MTMR9: variants seen among roughly 807,000 people sequenced by gnomAD.
MTMR9 encodes myotubularin related protein 9, also known as myotubularin-related protein 9.
A neutral mutation model predicts 69.5 loss-of-function variants in MTMR9; 39 were observed. The ratio of observed to expected loss-of-function variants is 0.56; its 90% confidence interval spans 0.43 to 0.73. The LOEUF (loss-of-function observed/expected upper bound fraction) is 0.73, where lower values mean the gene tolerates loss of function less well. MTMR9 is among the 30% of genes least tolerant of loss of function. MTMR9 has a pLI of 0.00. For missense variants in MTMR9, 900 were observed against 671.2 expected (o/e 1.34, Z -3.77); for synonymous variants, 354 against 240.8 (o/e 1.47, Z -4.35).
At chr8:11,298,382 A>AATAT (rs113127569) in intron 2 of MTMR9, among the ~76,000 whole-genome samples, 2 of 150,474 alleles carry the variant, frequency 1.3e-5, no homozygotes, top group Non-Finnish European at 3.0e-5. Flanking sequence ...ATGTAGGAAA[A>AATAT]ATATATATAT....
chr8:11,332,150 G>T, downstream of MTMR9: 5 of 1,611,114 alleles, frequency 3.1e-6, no homozygotes, highest in Non-Finnish European at 4.2e-6. Context: ...CCGGGGGTTG[G>T]GAGGGACAGG....
chr8:11,322,814 G>A lies in MTMR9; in HGVS notation c.*26G>A. ...AAGGTCTCCTCGCACCCTTCGCAAG[G>A]ACCTTCTTGGGCCTGTGTCCGCCGT... On this transcript the variant is annotated 3_prime_UTR_variant, in exon 10 of 10. Coordinates refer to ENST00000221086, the MANE Select transcript of MTMR9 (RefSeq NM_015458.4). The A allele has an allele frequency of 6.3e-7, 1 of 1,599,984 alleles. No homozygotes were observed. The highest frequency in any genetic ancestry group is 8.5e-7 in the Non-Finnish European group (1 of 1,172,722).
chr8:11,334,592 A>G, the MTMR9 span, among the ~76,000 whole-genome samples: 77 of 152,166 alleles, frequency 5.1e-4, no homozygotes, highest in East Asian at 4.6e-3. Flanking sequence ...GACAGTCATT[A>G]TGGGGAAAAT....
intron 5 of MTMR9, among the ~76,000 whole-genome samples, chr8:11,307,128 G>A (rs955515981): frequency 2.6e-5 from 4 of 152,120 alleles, no homozygotes; most frequent in African/African-American, 9.7e-5. Flanking sequence ...CTGGAGTGCA[G>A]TGGCACGATC....
In MTMR9 at chr8:11,322,717, G is replaced by A; in HGVS notation, c.1579G>A (p.Ala527Thr). The A allele has an allele frequency of 6.2e-7, 1 of 1,614,094 alleles. No homozygotes were observed. The highest frequency in any genetic ancestry group is 8.5e-7 in the Non-Finnish European group (1 of 1,179,970). Residue 527 changes from alanine (A) to threonine (T), a missense_variant, in exon 10 of 10, where the codon GCA becomes ACA. Coordinates refer to ENST00000221086, the MANE Select transcript of MTMR9 (RefSeq NM_015458.4). Reference sequence around the variant, plus strand: ...CATTGAATATAATAAAGAATTACAAGCAAAAGTCAATATCCTTCGAAGGCA... The same window carrying A: ...CATTGAATATAATAAAGAATTACAAACAAAAGTCAATATCCTTCGAAGGCA... ...NIIEYNKELQ[A>T]KVNILRRQLA...
intron 5 of MTMR9, among the ~76,000 whole-genome samples, chr8:11,307,677 G>A (rs957747982): frequency 6.6e-6 from 1 of 152,116 alleles, no homozygotes; most frequent in Non-Finnish European, 1.5e-5. Flanking sequence ...TTGTACAGGG[G>A]TTCCCTTTTG....
intron 6 of MTMR9, among the ~76,000 whole-genome samples, chr8:11,313,126 A>C (rs1245117547): frequency 6.6e-6 from 1 of 152,224 alleles, no homozygotes; most frequent in Non-Finnish European, 1.5e-5. Flanking sequence ...CTTCAGCTTA[A>C]AGTCACCAGC....
Position 11,327,543 on chromosome 8 carries a change from A to G in MTMR9, c.*4755A>G, listed in dbSNP as rs1010624004. ...AAATGCACCCTAAATCTCATTGTTTAAAACCTTACTGATCTAATACCATCT... is the reference window on the plus strand; with the variant it reads ...AAATGCACCCTAAATCTCATTGTTTGAAACCTTACTGATCTAATACCATCT... On this transcript the variant is annotated 3_prime_UTR_variant, in exon 10 of 10. Coordinates refer to ENST00000221086, the MANE Select transcript of MTMR9 (RefSeq NM_015458.4). 1 of 152,586 alleles carries G rather than the reference A, an allele frequency of 6.6e-6. No individual in the cohort carries two copies. The highest frequency in any genetic ancestry group is 6.5e-5 in the Admixed American group (1 of 15,280). 9.5% of individuals were successfully genotyped at this position (152,586 alleles called of 1,614,324 possible).
chr8:11,309,498 G>C (rs763781467), intron 5 of MTMR9, 29 bp from the exon 6 acceptor site: 1 of 1,569,382 alleles, frequency 6.4e-7, no homozygotes, highest in Non-Finnish European at 8.7e-7. Flanking sequence ...TTCTGGGTTT[G>C]TTATTTTTTA....
chr8:11,331,395 C>T (rs375648084), downstream of MTMR9: 39 of 1,613,844 alleles, frequency 2.4e-5, no homozygotes, highest in Non-Finnish European at 3.2e-5. Flanking sequence ...CCTTCTGGGA[C>T]CTCCTGACAT....
intron 1 of MTMR9, among the ~76,000 whole-genome samples, chr8:11,287,549 C>T (rs1019817038): frequency 2.0e-5 from 3 of 151,298 alleles, no homozygotes; most frequent in Admixed American, 6.6e-5. Context: ...TTACATCCAC[C>T]TGTTTTCCAC....
chr8:11,302,012 T>C (rs1383853183), intron 3 of MTMR9, among the ~76,000 whole-genome samples: 1 of 151,986 alleles, frequency 6.6e-6, no homozygotes, highest in African/African-American at 2.4e-5. Context: ...ATCCTAGCAC[T>C]TAAGGAGGCT....
intron 2 of MTMR9, among the ~76,000 whole-genome samples, chr8:11,297,439 G>A (rs1036141625): frequency 6.6e-6 from 1 of 152,026 alleles, no homozygotes; most frequent in Non-Finnish European, 1.5e-5. Flanking sequence ...TTTATAGACT[G>A]TTAAATTGAA....
Position 11,322,959 on chromosome 8 carries a change from C to T in MTMR9, c.*171C>T. 1 of 475,026 alleles carries T rather than the reference C, an allele frequency of 2.1e-6. No homozygotes were observed. The highest frequency in any genetic ancestry group is 3.5e-6 in the Non-Finnish European group (1 of 283,068). The allele number at this position is 475,026 out of a possible 1,614,324, so 29.4% of individuals were successfully genotyped here. A position where few individuals can be genotyped will look rare whatever the true frequency, so the allele number is the denominator to read the frequency against. ...CTGTATGAATAATGAAACTTACTAT[C>T]ATAAACCATGTTTCATGTGGCCTGT... On this transcript the variant is annotated 3_prime_UTR_variant, in exon 10 of 10. Transcript: ENST00000221086.
At chr8:11,300,636 A>T (rs1490398712) in intron 3 of MTMR9, 1 of 152,378 alleles carries the variant, frequency 6.6e-6, no homozygotes, top group Non-Finnish European at 1.5e-5. Flanking sequence ...ATAAGAGCAG[A>T]AAGCAATAAA....
In MTMR9 at chr8:11,323,519, A is replaced by C. The variant is rs1446042610; in HGVS notation, c.*731A>C. On this transcript the variant is annotated 3_prime_UTR_variant, in exon 10 of 10. Transcript: ENST00000221086. ...AAGTAGGAATTTGTTACTGATTGAG[A>C]ATTGTTACTGGTGAATTGGTTTTCA... 6.6e-6 allele frequency: 1 copy of C among 152,242 alleles called. No individual in the cohort carries two copies. The highest frequency in any genetic ancestry group is 2.4e-5 in the African/African-American group (1 of 41,464). 9.4% of individuals were successfully genotyped at this position (152,242 alleles called of 1,614,324 possible).
At chr8:11,318,001 C>G (rs925938608) in intron 8 of MTMR9, 8 of 152,202 alleles carry the variant, frequency 5.3e-5, no homozygotes, top group African/African-American at 1.4e-4. Flanking sequence ...TTAACTCCCC[C>G]ACTTAGAAGG....
the MTMR9 span, among the ~76,000 whole-genome samples, chr8:11,336,221 C>A: frequency 1.3e-5 from 2 of 152,144 alleles, no homozygotes; most frequent in Non-Finnish European, 2.9e-5. Context: ...GTGGCAGTAG[C>A]CAGATTGGTC....
At chr8:11,302,372 A>G (rs1799780192) in intron 3 of MTMR9, among the ~76,000 whole-genome samples, 1 of 151,680 alleles carries the variant, frequency 6.6e-6, no homozygotes, top group African/African-American at 2.4e-5. Flanking sequence ...AAGTTATTGA[A>G]CCCTTAAGCT....
Sources: allele counts gnomAD v4.1 joint callset (sites outside exome capture counted in the v4.1 genomes callset), GRCh38; gene constraint gnomAD v4.1.1; transcripts MANE v1.5; gene names NCBI Gene and HGNC (gene_info 2026-07-23, HGNC 2026-07-21).